The following ACSBG1 variants were observed in gnomAD, a reference collection of about 807,000 sequenced individuals.
The protein encoded by ACSBG1 is long-chain-fatty-acid--CoA ligase ACSBG1.
In ACSBG1, 39 loss-of-function variants were observed where a neutral mutation model predicts 80.2. The ratio of observed to expected loss-of-function variants is 0.49; its 90% CI spans 0.38 to 0.64. The LOEUF (loss-of-function observed/expected upper bound fraction) is 0.64. Ranked by LOEUF, ACSBG1 falls within the 30% of genes least tolerant of loss-of-function variation. The pLI, the probability that ACSBG1 is intolerant of heterozygous loss-of-function variation, is 0.00. For synonymous variants in ACSBG1, 392 were observed against 379.5 expected, an observed-to-expected ratio of 1.03 and a Z score of -0.38; for missense variants, 828 against 966.4, an observed-to-expected ratio of 0.86 and a Z score of 1.90.
intron 1 of ACSBG1, among the ~76,000 whole-genome samples, chr15:78,215,726 G>GAAAGAA (rs2075302986): frequency 1.1e-4 from 5 of 45,986 alleles, no homozygotes; most frequent in Admixed American, 1.9e-4. Context: ...GAAAGAAAGA[G>GAAAGAA]AAAGAAAGAA....
intron 2 of ACSBG1, among the ~76,000 whole-genome samples, chr15:78,196,092 G>C (rs2075111845): frequency 6.6e-6 from 1 of 152,190 alleles, no homozygotes; most frequent in Non-Finnish European, 1.5e-5. Context: ...ATGCAGGCGG[G>C]ACAGGGGAGG....
intron 5 of ACSBG1, among the ~76,000 whole-genome samples, chr15:78,187,471 C>G (rs1040886203): frequency 1.3e-5 from 2 of 152,186 alleles, no homozygotes; most frequent in African/African-American, 2.4e-5. Flanking sequence ...AAAAGCTTAT[C>G]CACCATGATC....
At chr15:78,207,948 C>T in intron 2 of ACSBG1, 54 bp downstream of exon 2, 1 of 1,062,302 alleles carries the variant, frequency 9.4e-7, no homozygotes, top group Non-Finnish European at 1.4e-6. Flanking sequence ...CCAGCACACC[C>T]AGCACAGCAC....
chr15:78,210,632 C>T (rs923215459), intron 1 of ACSBG1, among the ~76,000 whole-genome samples: 2 of 152,140 alleles, frequency 1.3e-5, no homozygotes, highest in African/African-American at 2.4e-5. Context: ...TTATATTTTG[C>T]AGACAGGGCC....
chr15:78,222,315 A>G (rs2075365497), intron 1 of ACSBG1, among the ~76,000 whole-genome samples: 1 of 152,206 alleles, frequency 6.6e-6, no homozygotes, highest in Admixed American at 6.5e-5. Context: ...AGAAATAGGA[A>G]GTGACTACTA....
At chr15:78,192,101 G>A (rs548683188) in intron 5 of ACSBG1, among the ~76,000 whole-genome samples, 2 of 152,324 alleles carry the variant, frequency 1.3e-5, no homozygotes, top group South Asian at 4.1e-4. Context: ...GAGAACGCCA[G>A]CTGAGGATGA....
At chr15:78,189,760 C>T (rs1300865884) in intron 5 of ACSBG1, among the ~76,000 whole-genome samples, 1 of 151,782 alleles carries the variant, frequency 6.6e-6, no homozygotes, top group Non-Finnish European at 1.5e-5. Context: ...CAGCATGGCA[C>T]ATGTATACAT....
intron 2 of ACSBG1, among the ~76,000 whole-genome samples, chr15:78,204,979 T>C (rs1255584514): frequency 6.6e-6 from 1 of 152,028 alleles, no homozygotes; most frequent in African/African-American, 2.4e-5. Flanking sequence ...TTGCAAAAGC[T>C]CCTTAGTGGG....
intron 1 of ACSBG1, among the ~76,000 whole-genome samples, chr15:78,211,957 CTGT>C (rs1253008590): frequency 6.6e-6 from 1 of 152,226 alleles, no homozygotes; most frequent in Admixed American, 6.5e-5. Flanking sequence ...TGAGTACTTA[CTGT>C]TGGAGCTCAG....
chr15:78,190,761 T>TG (rs1488084315), intron 5 of ACSBG1, among the ~76,000 whole-genome samples: 1 of 152,016 alleles, frequency 6.6e-6, no homozygotes, highest in Non-Finnish European at 1.5e-5. Context: ...GAGAGTACAC[T>TG]GTGATAAGTT....
chr15:78,229,333 T>G (rs1383152533), intron 1 of ACSBG1, among the ~76,000 whole-genome samples: 3 of 152,234 alleles, frequency 2.0e-5, no homozygotes, highest in Non-Finnish European at 4.4e-5. Flanking sequence ...GTTTTTTACA[T>G]AATGGGAAGT....
Position 78,173,856 on chromosome 15 carries a change from C to A in ACSBG1, c.1843-17G>T. ...CAGAGTGCACTGAAAAGCCAGAGAT[C>A]AGATGAGGACCAAGCCTTACCCAAC... On this transcript the variant is annotated splice_polypyrimidine_tract_variant and intron_variant, in intron 12 of 13. Transcript: ENST00000258873. 1 of 1,611,512 alleles carries A rather than the reference C, an allele frequency of 6.2e-7. No homozygotes were observed. Among genetic ancestry groups the A allele is most frequent in the East Asian group, 2.2e-5 (1 of 44,858 alleles).
At chr15:78,207,922 C>CCCA in intron 2 of ACSBG1, 80 bp downstream of exon 2, 4 of 852,742 alleles carry the variant, frequency 4.7e-6, no homozygotes, top group Non-Finnish European at 7.6e-6. Context: ...GGTGGTCCCC[C>CCCA]ACACCACCCA....
At chr15:78,181,390 C>T (rs2074941646) in intron 8 of ACSBG1, among the ~76,000 whole-genome samples, 1 of 151,712 alleles carries the variant, frequency 6.6e-6, no homozygotes, top group South Asian at 2.1e-4. Context: ...CAGGGAAGGG[C>T]TGTAGCCTTC....
rs146639327 is a variant in ACSBG1, at chr15:78,176,302, C to T, written c.1703-1778G>A. ...ATCACCACTTCTATTCAACACTGTC[C>T]TGGAGGTCCTAACCTGTGCAACATG... On this transcript the variant is annotated intron_variant, in intron 11 of 13. Coordinates refer to ENST00000258873, the MANE Select transcript of ACSBG1 (RefSeq NM_015162.5). Among the ~76,000 whole-genome samples, 275 of 152,164 alleles carry T rather than the reference C, an allele frequency of 1.8e-3. 3 individuals carry two copies. Among genetic ancestry groups the T allele is most frequent in the African/African-American group, 6.0e-3 (249 of 41,512 alleles).
Position 78,179,622 on chromosome 15 carries a change from T to C in ACSBG1, c.1412A>G (p.Tyr471Cys). 1.2e-6 allele frequency: 2 copies of C among 1,614,166 alleles called. No individual in the cohort carries two copies. The highest frequency in any genetic ancestry group is 8.5e-7 in the Non-Finnish European group (1 of 1,180,022). The stretch of plus-strand genomic sequence containing the variant: ...GGTCTCACTGAGGCCGTAGCCCGCA[T>C]ACAAGCGGATGTTGAGACCCAGGAA... ...HFFLGLNIRL[Y>C]AGYGLSETSG... The change falls in exon 10 of 14, where the codon TAT (tyrosine) becomes TGT (cysteine). Residue 471 changes from tyrosine to cysteine, a missense_variant. Transcript: ENST00000258873.
chr15:78,205,179 G>A (rs563693783), intron 2 of ACSBG1, among the ~76,000 whole-genome samples: 1 of 152,056 alleles, frequency 6.6e-6, no homozygotes, highest in East Asian at 1.9e-4. Context: ...TGTCTCCAGG[G>A]CCCAGTACAA....
At chr15:78,232,390 T>C (rs1391093470) in intron 1 of ACSBG1, among the ~76,000 whole-genome samples, 1 of 152,236 alleles carries the variant, frequency 6.6e-6, no homozygotes, top group Non-Finnish European at 1.5e-5. Flanking sequence ...GGAGTCCTTC[T>C]CTGCACAAGC....
chr15:78,181,049 C>T, intron 8 of ACSBG1, 113 bp from the exon 9 acceptor site: 2 of 1,201,246 alleles, frequency 1.7e-6, no homozygotes, highest in Non-Finnish European at 2.3e-6. Context: ...CGGGCACCCA[C>T]ACACACCTGC....
Sources: allele counts gnomAD v4.1 joint callset (sites outside exome capture counted in the v4.1 genomes callset), GRCh38; gene constraint gnomAD v4.1.1; transcripts MANE v1.5; gene names NCBI Gene and HGNC (gene_info 2026-07-23, HGNC 2026-07-21).